Variants in GMEB1 observed in about 807,000 individuals in gnomAD.
GMEB1 encodes glucocorticoid modulatory element binding protein 1.
Under a neutral mutation model 52.4 loss-of-function variants are expected in GMEB1, and 6 were observed. The ratio of observed to expected loss-of-function variants is 0.11; its 90% CI spans 0.06 to 0.23. GMEB1 has a LOEUF of 0.23. GMEB1 is among the 10% of genes least tolerant of loss of function. The pLI is 1.00. For synonymous variants in GMEB1, 255 were observed against 244.9 expected (o/e 1.04, Z -0.38); for missense variants, 486 against 685.6 (o/e 0.71, Z 3.25).
chr1:28,716,097 C>T lies in GMEB1; in HGVS notation c.*1324C>T, dbSNP rs1390739213. 1 of 150,728 alleles carries T rather than the reference C, an allele frequency of 6.6e-6. No homozygotes were observed. The highest frequency in any genetic ancestry group is 1.5e-5 in the Non-Finnish European group (1 of 67,766). 9.3% of individuals were successfully genotyped at this position (150,728 alleles called of 1,614,324 possible). ...CTGGGCGAGGAGTGAAACTCCGTCTCAAAAAAAAAGAAAGAAATGGAAAGC... is the reference window on the plus strand; with the variant it reads ...CTGGGCGAGGAGTGAAACTCCGTCTTAAAAAAAAAGAAAGAAATGGAAAGC... On this transcript the variant is annotated 3_prime_UTR_variant, in exon 10 of 10. Transcript: ENST00000373816.
In GMEB1 at chr1:28,683,572, G is replaced by C; in HGVS notation, c.-30-11G>C. 1 of 1,573,510 alleles carries C rather than the reference G, an allele frequency of 6.4e-7. No homozygotes were observed. Among genetic ancestry groups the C allele is most frequent in the Non-Finnish European group, 8.6e-7 (1 of 1,161,312 alleles). The stretch of plus-strand genomic sequence containing the variant: ...CCAGATTAAGTTATTGGTGCTTCTT[G>C]TTCCCGACAGCAGTCCCAGCTATCT... On this transcript the variant is annotated splice_polypyrimidine_tract_variant and intron_variant, in intron 1 of 9. Transcript: ENST00000373816.
chr1:28,705,029 G>A (rs1237030384), intron 8 of GMEB1, among the ~76,000 whole-genome samples: 1 of 148,816 alleles, frequency 6.7e-6, no homozygotes, highest in Non-Finnish European at 1.5e-5. Flanking sequence ...GCTGCAGTGA[G>A]CTATGATCAT....
chr1:28,669,118 G>T (rs1668755635), intron 1 of GMEB1, among the ~76,000 whole-genome samples: 1 of 150,030 alleles, frequency 6.7e-6, no homozygotes, highest in Non-Finnish European at 1.5e-5. Flanking sequence ...CCGGGGCTCG[G>T]GCCCCAGACC....
In GMEB1 at chr1:28,716,777, ATGT is replaced by A. The variant is rs1019626233; in HGVS notation, c.*2009_*2011del. Reference sequence around the variant, plus strand: ...GTTATTTTGTTTTGTTTTGTTTTTAATGTTGTTTGTATATTTAGAGCTGGGCCA... The same window carrying A: ...GTTATTTTGTTTTGTTTTGTTTTTAATGTTTGTATATTTAGAGCTGGGCCA... On this transcript the variant is annotated 3_prime_UTR_variant, in exon 10 of 10. Transcript: ENST00000373816. The A allele has an allele frequency of 8.6e-5, 13 of 151,170 alleles. No individual in the cohort carries two copies. Among genetic ancestry groups the A allele is most frequent in the East Asian group, 7.8e-4 (4 of 5,136 alleles). The allele number at this position is 151,170 out of a possible 1,614,324, so 9.4% of individuals were successfully genotyped here.
chr1:28,693,161 G>C, intron 5 of GMEB1, 116 bp downstream of exon 5: 1 of 460,306 alleles, frequency 2.2e-6, no homozygotes, highest in East Asian at 3.4e-5. Flanking sequence ...GAATTGGCTT[G>C]AGCAATCCGT....
At chr1:28,711,442 A>C (rs966622264) in intron 9 of GMEB1, among the ~76,000 whole-genome samples, 1 of 151,276 alleles carries the variant, frequency 6.6e-6, no homozygotes, top group Non-Finnish European at 1.5e-5. Context: ...ACCATGACAT[A>C]TTTTTCTTTT....
chr1:28,712,084 A>G (rs1319291058), intron 9 of GMEB1, among the ~76,000 whole-genome samples: 2 of 152,146 alleles, frequency 1.3e-5, no homozygotes, highest in Admixed American at 6.6e-5. Context: ...GGGTTCCCAC[A>G]ATCACCTTCT....
intron 6 of GMEB1, among the ~76,000 whole-genome samples, chr1:28,700,241 G>A (rs1041833949): frequency 7.9e-5 from 12 of 151,448 alleles, no homozygotes; most frequent in Admixed American, 4.0e-4. Context: ...GGCTGGGCGC[G>A]GTGGCTCACA....
At chr1:28,686,881 CTT>C (rs1029176589) in intron 2 of GMEB1, among the ~76,000 whole-genome samples, 3 of 152,034 alleles carry the variant, frequency 2.0e-5, no homozygotes, top group Non-Finnish European at 4.4e-5. Flanking sequence ...TTGGGGACCT[CTT>C]AGCCTGTGCT....
chr1:28,684,562 CA>C (rs35899215), intron 2 of GMEB1, among the ~76,000 whole-genome samples: 89 of 102,976 alleles, frequency 8.6e-4, no homozygotes, highest in African/African-American at 9.0e-4. Context: ...GACTCCATCT[CA>C]AAAAAAAAAA....
At chr1:28,677,175 C>T (rs747884874) in intron 1 of GMEB1, among the ~76,000 whole-genome samples, 1 of 151,470 alleles carries the variant, frequency 6.6e-6, no homozygotes, top group African/African-American at 2.4e-5. Context: ...TGTAAATATG[C>T]CAAAATTAAA....
chr1:28,678,911 T>C (rs1669275147), intron 1 of GMEB1, among the ~76,000 whole-genome samples: 1 of 151,546 alleles, frequency 6.6e-6, no homozygotes. Context: ...TTGTTTGTTT[T>C]GTTTTGTTTT....
At chr1:28,697,152 C>A in intron 6 of GMEB1, 68 bp downstream of exon 6, 2 of 405,846 alleles carry the variant, frequency 4.9e-6, no homozygotes, top group Non-Finnish European at 8.3e-6. Flanking sequence ...TTATTTCTCC[C>A]TTGTGTGTAC....
At chr1:28,669,245 G>A (rs1482974588) in intron 1 of GMEB1, among the ~76,000 whole-genome samples, 1 of 151,788 alleles carries the variant, frequency 6.6e-6, no homozygotes, top group Non-Finnish European at 1.5e-5. Context: ...CGGACTGAGA[G>A]GGCCAGGCGC....
At chr1:28,683,087 T>C (rs1669470463) in intron 1 of GMEB1, among the ~76,000 whole-genome samples, 1 of 152,170 alleles carries the variant, frequency 6.6e-6, no homozygotes, top group African/African-American at 2.4e-5. Context: ...CAAGTGACTG[T>C]TGAGGCGTTT....
Position 28,676,964 on chromosome 1 carries a change from G to A in GMEB1, c.-30-6619G>A, listed in dbSNP as rs567723488. On this transcript the variant is annotated intron_variant, in intron 1 of 9. Transcript: ENST00000373816. Reference sequence around the variant, plus strand: ...AGCTACTCTGGAGGCTGAGGCAGGAGAATCACTTGAACCCAGGAGGCAGAG... The same window carrying A: ...AGCTACTCTGGAGGCTGAGGCAGGAAAATCACTTGAACCCAGGAGGCAGAG... 1.8e-4 allele frequency among the ~76,000 whole-genome samples: 28 copies of A among 152,220 alleles called. 1 individual carries two copies. The South Asian group carries it at 5.8e-3, about 32-fold the overall frequency.
At chr1:28,685,351 A>G (rs892087338) in intron 2 of GMEB1, among the ~76,000 whole-genome samples, 3 of 151,980 alleles carry the variant, frequency 2.0e-5, no homozygotes, top group Non-Finnish European at 4.4e-5. Context: ...CTGGCACTAC[A>G]GGCTCTTGCC....
chr1:28,681,346 C>G (rs1046216847), intron 1 of GMEB1, among the ~76,000 whole-genome samples: 3 of 152,064 alleles, frequency 2.0e-5, no homozygotes, highest in Non-Finnish European at 4.4e-5. Flanking sequence ...CCAGTCTGGG[C>G]AACGGAGCGA....
Position 28,693,045 on chromosome 1 carries a change from G to A in GMEB1, c.440G>A (p.Arg147Lys). The change falls in exon 5 of 10, where the codon AGG (arginine) becomes AAG (lysine). Residue 147 changes from arginine (R) to lysine (K), a missense_variant and splice_region_variant. Arg to Lys is a conservative substitution (Grantham distance 26). This residue lies in a region of GMEB1 where 43 missense variants were observed against 117.5 expected (regional missense o/e 0.37). Transcript: ENST00000373816. ...RAIRLGGIML[R>K]KMMDSGQIDF... is the part of the protein sequence containing the mutation. ...ATTCGTCTGGGTGGGATCATGCTCA[G>A]GTAAGCTCTAATGTCAAGCACATAC... The A allele has an allele frequency of 6.4e-7, 1 of 1,560,278 alleles. No individual in the cohort carries two copies.
Sources: allele counts gnomAD v4.1 joint callset (sites outside exome capture counted in the v4.1 genomes callset), GRCh38; gene constraint gnomAD v4.1.1; regional missense constraint gnomAD v4.1.1; transcripts MANE v1.5; gene names NCBI Gene and HGNC (gene_info 2026-07-23, HGNC 2026-07-21).